STK32B: variants seen among roughly 807,000 people sequenced by gnomAD.
The protein encoded by STK32B is serine/threonine kinase 32B.
Under a neutral mutation model 52.6 loss-of-function variants are expected in STK32B, and 43 were observed. The observed-to-expected ratio is 0.82, with a 90% CI of 0.64 to 1.05. The LOEUF (loss-of-function observed/expected upper bound fraction) is 1.05. Among genes scored for constraint, STK32B ranks in the 50% least tolerant of loss-of-function variants. The pLI is 0.00. For synonymous variants in STK32B, 238 were observed against 204.3 expected (o/e 1.17, Z -1.41); for missense variants, 621 against 534.6 (o/e 1.16, Z -1.59).
At chr4:5,459,767 C>G (rs909667274) in intron 8 of STK32B, among the ~76,000 whole-genome samples, 9 of 152,338 alleles carry the variant, frequency 5.9e-5, no homozygotes, top group East Asian at 1.9e-4. Flanking sequence ...CTAATTCTTT[C>G]TATTTGTAAT....
intron 2 of STK32B, among the ~76,000 whole-genome samples, chr4:5,158,336 G>T (rs1458640839): frequency 6.6e-6 from 1 of 152,134 alleles, no homozygotes; most frequent in Non-Finnish European, 1.5e-5. Flanking sequence ...TTGCCTTGCT[G>T]TGAAGTTTCC....
At chr4:5,300,902 T>G (rs541751670) in intron 3 of STK32B, among the ~76,000 whole-genome samples, 2 of 152,256 alleles carry the variant, frequency 1.3e-5, no homozygotes, top group African/African-American at 4.8e-5. Context: ...TCTATTAAAT[T>G]ACCCCTATTT....
chr4:5,159,632 T>TATATATGA (rs1718219548), intron 2 of STK32B, among the ~76,000 whole-genome samples: 2 of 80,058 alleles, frequency 2.5e-5, no homozygotes, highest in African/African-American at 1.5e-4. Flanking sequence ...TATATATGAA[T>TATATATGA]ATATATATGA....
intron 3 of STK32B, among the ~76,000 whole-genome samples, chr4:5,205,698 G>GCA (rs1438191292): frequency 1.7e-3 from 121 of 69,302 alleles, no homozygotes; most frequent in East Asian, 0.015. Context: ...GACCAGGCGC[G>GCA]CGCGCGTGTG....
intron 3 of STK32B, among the ~76,000 whole-genome samples, chr4:5,259,232 G>T: frequency 6.6e-6 from 1 of 152,172 alleles, no homozygotes; most frequent in Middle Eastern, 3.4e-3. Context: ...TTATTTACTG[G>T]CTACCTCATT....
chr4:5,037,477 G>A, the STK32B span, among the ~76,000 whole-genome samples: 4 of 152,312 alleles, frequency 2.6e-5, no homozygotes, highest in African/African-American at 9.6e-5. Context: ...ATGTCTGACA[G>A]CTAGTGTGGT....
chr4:5,080,773 G>A (rs1023770865), intron 1 of STK32B, among the ~76,000 whole-genome samples: 1 of 151,922 alleles, frequency 6.6e-6, no homozygotes, highest in African/African-American at 2.4e-5. Context: ...GCCTTACATA[G>A]TTACCTTTTT....
intron 6 of STK32B, among the ~76,000 whole-genome samples, chr4:5,426,244 G>T (rs551439752): frequency 2.0e-5 from 3 of 152,196 alleles, no homozygotes; most frequent in Admixed American, 2.0e-4. Context: ...GCCAGTACTT[G>T]GTATCGTCCC....
chr4:5,021,612 A>G, the STK32B span, among the ~76,000 whole-genome samples: 4 of 152,216 alleles, frequency 2.6e-5, no homozygotes, highest in Admixed American at 2.6e-4. Context: ...GTCCTGCACC[A>G]TTAGATCAAG....
chr4:5,365,135 C>T (rs534858949), intron 4 of STK32B, among the ~76,000 whole-genome samples: 1 of 152,164 alleles, frequency 6.6e-6, no homozygotes, highest in Non-Finnish European at 1.5e-5. Flanking sequence ...CTCGGCCCCC[C>T]CAAAGTGCTG....
At chr4:5,192,078 A>G (rs534886482) in intron 3 of STK32B, among the ~76,000 whole-genome samples, 6 of 152,234 alleles carry the variant, frequency 3.9e-5, no homozygotes, top group Admixed American at 1.3e-4. Flanking sequence ...CCAGGGAGGC[A>G]TGCTTCACTG....
At chr4:5,494,620 G>T (rs368334647) in intron 11 of STK32B, among the ~76,000 whole-genome samples, 9,997 of 152,160 alleles carry the variant, frequency 0.066, 359 homozygotes, top group African/African-American at 0.1. Context: ...CTGTCATGAT[G>T]ATGTTAGCTG....
intron 4 of STK32B, among the ~76,000 whole-genome samples, chr4:5,369,743 G>C (rs1735104991): frequency 6.6e-6 from 1 of 152,166 alleles, no homozygotes; most frequent in Non-Finnish European, 1.5e-5. Flanking sequence ...GCCAAGATTT[G>C]ATGCATCCCT....
chr4:5,235,000 G>C (rs1724527747), intron 3 of STK32B, among the ~76,000 whole-genome samples: 1 of 152,200 alleles, frequency 6.6e-6, no homozygotes, highest in Non-Finnish European at 1.5e-5. Context: ...CACAGTGCCA[G>C]GAATTTTTAC....
chr4:5,495,501 C>T lies in STK32B; in HGVS notation c.1107-3444C>T, dbSNP rs181870606. Among the ~76,000 whole-genome samples, 15 of 152,274 alleles carry T rather than the reference C, an allele frequency of 9.9e-5. No homozygotes were observed. The East Asian group carries it at 2.7e-3, about 27-fold the overall frequency. On this transcript the variant is annotated intron_variant, in intron 11 of 11. Transcript: ENST00000282908. ...TCTGAATTTTTTTCAAAGTTTTCAACTTCTTTGCCTTCAGTTTGAATTTCC... is the reference window on the plus strand; with the variant it reads ...TCTGAATTTTTTTCAAAGTTTTCAATTTCTTTGCCTTCAGTTTGAATTTCC...
intron 6 of STK32B, 106 bp from the exon 7 acceptor site, chr4:5,446,567 A>C (rs1376198354): frequency 7.6e-4 from 283 of 370,850 alleles, no homozygotes; most frequent in African/African-American, 1.6e-3. Context: ...AAAAAAAAAC[A>C]AAAAAAAAAA....
chr4:5,436,010 A>G (rs1714039531), intron 6 of STK32B: 1 of 150,852 alleles, frequency 6.6e-6, no homozygotes, highest in South Asian at 2.1e-4. Flanking sequence ...AGAGACAGAG[A>G]CAGGGTGTTC....
chr4:5,157,017 C>T (rs1020565190), intron 2 of STK32B, among the ~76,000 whole-genome samples: 9 of 152,040 alleles, frequency 5.9e-5, no homozygotes, highest in African/African-American at 2.2e-4. Context: ...TGATTAATAG[C>T]AGACTAACCA....
chr4:5,384,969 C>G (rs1454433948), intron 4 of STK32B, among the ~76,000 whole-genome samples: 25 of 152,044 alleles, frequency 1.6e-4, no homozygotes, highest in Admixed American at 1.6e-3. Context: ...GTTGCCATCA[C>G]CAAGGTCATT....
Sources: allele counts gnomAD v4.1 joint callset (sites outside exome capture counted in the v4.1 genomes callset), GRCh38; gene constraint gnomAD v4.1.1; transcripts MANE v1.5; gene names NCBI Gene and HGNC (gene_info 2026-07-23, HGNC 2026-07-21).